Variants in KCNH7 observed in about 807,000 individuals in gnomAD.
The protein encoded by KCNH7 is potassium voltage-gated channel subfamily H member 7.
KCNH7 carries 49 observed loss-of-function variants against 120.8 expected under a neutral mutation model. The observed-to-expected ratio is 0.41, with a 90% CI of 0.32 to 0.51. The LOEUF is 0.51. Ranked by LOEUF, KCNH7 falls within the 20% of genes least tolerant of loss-of-function variation. The pLI is 0.38. For missense variants in KCNH7, 1,097 were observed against 1,446.6 expected (o/e 0.76, Z 3.92); for synonymous variants, 547 against 516.1 (o/e 1.06, Z -0.81).
intron 2 of KCNH7, among the ~76,000 whole-genome samples, chr2:162,765,270 G>T (rs1220472869): frequency 6.6e-6 from 1 of 152,156 alleles, no homozygotes; most frequent in African/African-American, 2.4e-5. Context: ...TTGAATCCTG[G>T]TATGTGTACA....
intron 2 of KCNH7, among the ~76,000 whole-genome samples, chr2:162,691,275 C>T (rs4091356): frequency 0.32 from 49,190 of 152,022 alleles, 12,817 homozygotes; most frequent in African/African-American, 0.7. Context: ...ACCACTGTTA[C>T]GATTTAACTT....
chr2:162,682,583 A>G (rs561481372), intron 2 of KCNH7, among the ~76,000 whole-genome samples: 15 of 151,978 alleles, frequency 9.9e-5, no homozygotes, highest in East Asian at 9.7e-4. Context: ...TTCAAAAGAC[A>G]TAGGTATTAT....
chr2:162,488,745 A>G (rs919559252), intron 6 of KCNH7, among the ~76,000 whole-genome samples: 1 of 152,148 alleles, frequency 6.6e-6, no homozygotes, highest in Non-Finnish European at 1.5e-5. Context: ...CTTCCTTTCT[A>G]ATAAACTTTC....
intron 2 of KCNH7, among the ~76,000 whole-genome samples, chr2:162,829,483 A>G (rs1057455334): frequency 3.3e-5 from 5 of 152,166 alleles, no homozygotes; most frequent in African/African-American, 1.2e-4. Flanking sequence ...CAACCACAGC[A>G]ATGAAATCAA....
At chr2:162,751,210 G>T (rs75850673) in intron 2 of KCNH7, among the ~76,000 whole-genome samples, 18,252 of 151,986 alleles carry the variant, frequency 0.12, 1,270 homozygotes, top group East Asian at 0.33. Flanking sequence ...TTCCAAGAAT[G>T]GATTAAAATA....
intron 2 of KCNH7, among the ~76,000 whole-genome samples, chr2:162,599,175 A>G (rs1395494410): frequency 6.6e-6 from 1 of 152,082 alleles, no homozygotes; most frequent in Non-Finnish European, 1.5e-5. Context: ...ACTGCACTCT[A>G]GCCTGGGCAA....
At chr2:162,805,659 A>G (rs1362997751) in intron 2 of KCNH7, among the ~76,000 whole-genome samples, 1 of 152,148 alleles carries the variant, frequency 6.6e-6, no homozygotes, top group Non-Finnish European at 1.5e-5. Flanking sequence ...GATAACCTCT[A>G]TGGAAAACAG....
In KCNH7 at chr2:162,446,133, T is replaced by C. The variant is rs1440659911; in HGVS notation, c.1439A>G (p.Glu480Gly). ...TATTTTGGCGGGATCACTTACCACTTCTTCATTCTGATTTACATATGTTGT... is the reference window on the plus strand; with the variant it reads ...TATTTTGGCGGGATCACTTACCACTCCTTCATTCTGATTTACATATGTTGT... ...FRTTYVNQNE[E>G]VVSDPAKIAI... is the part of the protein sequence containing the mutation. The change falls in exon 7 of 16, where the codon GAA (glutamate) becomes GGA (glycine). Residue 480 changes from glutamate (E) to glycine (G), a missense_variant. Physicochemically the swap from Glu to Gly is moderately conservative, Grantham distance 98. Transcript: ENST00000332142. The C allele has an allele frequency of 6.2e-7, 1 of 1,613,806 alleles. No homozygotes were observed. The highest frequency in any genetic ancestry group is 8.5e-7 in the Non-Finnish European group (1 of 1,179,762).
chr2:162,394,171 T>A (rs1286526832), intron 12 of KCNH7, among the ~76,000 whole-genome samples: 1 of 151,954 alleles, frequency 6.6e-6, no homozygotes, highest in Non-Finnish European at 1.5e-5. Flanking sequence ...ATCTGCGATG[T>A]CCTTGTGAAT....
At chr2:162,495,676 C>T (rs1690472973) in intron 6 of KCNH7, among the ~76,000 whole-genome samples, 1 of 152,128 alleles carries the variant, frequency 6.6e-6, no homozygotes, top group African/African-American at 2.4e-5. Flanking sequence ...CCATTCTAAT[C>T]TCATCAGTTG....
intron 2 of KCNH7, among the ~76,000 whole-genome samples, chr2:162,546,571 G>A (rs992584683): frequency 3.3e-5 from 5 of 152,224 alleles, no homozygotes; most frequent in African/African-American, 4.8e-5. Context: ...CAGCCACCCC[G>A]TGTGGATGTC....
At chr2:162,610,799 T>C (rs1032809449) in intron 2 of KCNH7, among the ~76,000 whole-genome samples, 1 of 152,146 alleles carries the variant, frequency 6.6e-6, no homozygotes, top group Non-Finnish European at 1.5e-5. Flanking sequence ...TTCCCCACGG[T>C]AGGGAGAGAA....
intron 2 of KCNH7, among the ~76,000 whole-genome samples, chr2:162,582,377 C>A (rs754758238): frequency 1.1e-4 from 17 of 151,988 alleles, no homozygotes; most frequent in Admixed American, 6.6e-4. Flanking sequence ...AGCATTTAAC[C>A]CTTTAGTAGT....
At chr2:162,708,420 C>T (rs1487501683) in intron 2 of KCNH7, among the ~76,000 whole-genome samples, 1 of 151,902 alleles carries the variant, frequency 6.6e-6, no homozygotes, top group African/African-American at 2.4e-5. Flanking sequence ...ATCAAAGTCC[C>T]GAAAGTATTG....
intron 12 of KCNH7, among the ~76,000 whole-genome samples, chr2:162,391,523 G>A (rs1014083321): frequency 4.6e-5 from 7 of 152,006 alleles, no homozygotes; most frequent in Admixed American, 2.6e-4. Context: ...GGCACAACCA[G>A]GAAACTTCAA....
In KCNH7 at chr2:162,757,564, T is replaced by A. The variant is rs538227109; in HGVS notation, c.307+78973A>T. Among the ~76,000 whole-genome samples the A allele has an allele frequency of 7.9e-5, 12 of 152,274 alleles. No individual in the cohort carries two copies. The South Asian group carries it at 2.5e-3, about 32-fold the overall frequency. ...TAATCCCCACAAAAAAATGTATATA[T>A]CTTTAGAAACGTTTGACCACAAAGA... is the stretch of plus-strand genomic sequence containing the variant. On this transcript the variant is annotated intron_variant, in intron 2 of 15. Coordinates refer to ENST00000332142, the MANE Select transcript of KCNH7 (RefSeq NM_033272.4).
intron 12 of KCNH7, among the ~76,000 whole-genome samples, chr2:162,389,651 T>C (rs1283556717): frequency 2.0e-5 from 3 of 152,068 alleles, no homozygotes; most frequent in African/African-American, 7.2e-5. Context: ...TCTCTTAAAA[T>C]GTATAATATC....
At chr2:162,773,957 G>C (rs1683150563) in intron 2 of KCNH7, among the ~76,000 whole-genome samples, 1 of 151,972 alleles carries the variant, frequency 6.6e-6, no homozygotes, top group Non-Finnish European at 1.5e-5. Flanking sequence ...CTCATACTTA[G>C]TATTTTATGA....
intron 6 of KCNH7, among the ~76,000 whole-genome samples, chr2:162,472,189 A>G (rs1055982262): frequency 2.6e-5 from 4 of 152,242 alleles, no homozygotes; most frequent in Non-Finnish European, 4.4e-5. Flanking sequence ...CAAGGACTTC[A>G]TGTCTAAAAC....
Sources: gnomAD v4.1 joint callset for allele counts (sites outside exome capture counted in the v4.1 genomes callset) on GRCh38, gnomAD v4.1.1 for gene constraint, MANE v1.5 for transcripts, NCBI Gene and HGNC (gene_info 2026-07-23, HGNC 2026-07-21) for gene names.